FABP6: variants seen among roughly 807,000 people sequenced by gnomAD.
The protein encoded by FABP6 is fatty acid binding protein 6, also known as gastrotropin.
In FABP6, 13 loss-of-function variants were observed where a neutral mutation model predicts 14.9. The ratio of observed to expected loss-of-function variants is 0.87; its 90% CI spans 0.57 to 1.39. The LOEUF is 1.39. Among genes scored for constraint, FABP6 ranks in the 40% most tolerant of loss-of-function variants. FABP6 has a pLI of 0.00. For missense variants in FABP6, 161 were observed against 167.2 expected, an observed-to-expected ratio of 0.96 and a Z score of 0.20; for synonymous variants, 75 against 63.6, an observed-to-expected ratio of 1.18 and a Z score of -0.85.
upstream of FABP6, among the ~76,000 whole-genome samples, chr5:160,227,300 C>T (rs4921118): frequency 0.076 from 11,611 of 151,904 alleles, 604 homozygotes; most frequent in Admixed American, 0.18. Context: ...TTTGGGAGGC[C>T]GAGGTGGGCG....
At chr5:160,237,785 T>C (rs1387236174) in intron 3 of FABP6, among the ~76,000 whole-genome samples, 2 of 152,234 alleles carry the variant, frequency 1.3e-5, no homozygotes, top group Non-Finnish European at 2.9e-5. Context: ...CTACTGCTCC[T>C]GAGCTGGACA....
At chr5:160,217,313 A>G (rs770355665) in intron 3 of FABP6, among the ~76,000 whole-genome samples, 9 of 152,218 alleles carry the variant, frequency 5.9e-5, no homozygotes, top group Non-Finnish European at 1.3e-4. Context: ...GATGGAGGAA[A>G]AAAATTAGAG....
At chr5:160,213,960 C>A in intron 3 of FABP6, 3 of 699,232 alleles carry the variant, frequency 4.3e-6, no homozygotes, top group African/African-American at 1.8e-5. Context: ...GTTGCACCAT[C>A]TGAAATTGTT....
upstream of FABP6, chr5:160,228,526 C>A (rs1159936421): frequency 2.2e-6 from 1 of 456,228 alleles, no homozygotes; most frequent in Middle Eastern, 3.3e-4. Context: ...AGATAGAGTC[C>A]CTGCATGTGA....
rs185259514 is a variant in FABP6 at position 160,221,290 on chromosome 5, C to T, written c.135+7471C>T. 1.1e-4 allele frequency among the ~76,000 whole-genome samples: 17 copies of T among 152,106 alleles called. No homozygotes were observed. The East Asian group carries it at 3.1e-3, about 28-fold the overall frequency. On this transcript the variant is annotated intron_variant, in intron 3 of 6. Transcript: ENST00000393980. ...AGTCATTACAAAGAGAAGGTACAGG[C>T]TCTGGGGATTTTTGCAAGGGACAAT... is the stretch of plus-strand genomic sequence containing the variant.
chr5:160,194,214 C>T (rs1759463888), intron 1 of FABP6, among the ~76,000 whole-genome samples: 1 of 152,248 alleles, frequency 6.6e-6, no homozygotes, highest in African/African-American at 2.4e-5. Context: ...AAGCCCACGC[C>T]CACCGGCAAC....
At chr5:160,195,516 C>T (rs577604391) in intron 1 of FABP6, among the ~76,000 whole-genome samples, 44 of 152,228 alleles carry the variant, frequency 2.9e-4, no homozygotes, top group Non-Finnish European at 4.7e-4. Flanking sequence ...TGCAGTGGCA[C>T]GATCACAGCT....
chr5:160,234,766 A>C (rs1464447140), intron 2 of FABP6, 54 bp from the exon 3 acceptor site: 31 of 1,455,662 alleles, frequency 2.1e-5, no homozygotes, highest in Non-Finnish European at 2.7e-5. Context: ...CCAGCCCCAG[A>C]TAGTTGCCAA....
intron 2 of FABP6, among the ~76,000 whole-genome samples, chr5:160,200,275 T>A (rs2421726): frequency 6.6e-6 from 1 of 152,116 alleles, no homozygotes; most frequent in Non-Finnish European, 1.5e-5. Context: ...CATGGCCACC[T>A]ATTGAGCAGA....
upstream of FABP6, chr5:160,229,398 C>T: frequency 2.0e-6 from 3 of 1,478,436 alleles, no homozygotes; most frequent in Non-Finnish European, 2.7e-6. Flanking sequence ...CATCATAAAA[C>T]AGCAAGTGCT....
intron 2 of FABP6, chr5:160,199,298 C>T (rs1759579736): frequency 2.5e-6 from 2 of 787,104 alleles, no homozygotes; most frequent in Admixed American, 2.1e-5. Flanking sequence ...GCTCCAAAGC[C>T]CTTTTCCTCC....
chr5:160,236,851 G>A (rs1760527833), intron 3 of FABP6, among the ~76,000 whole-genome samples: 1 of 151,458 alleles, frequency 6.6e-6, no homozygotes, highest in South Asian at 2.1e-4. Context: ...GTGTGGTGGT[G>A]CACACCTGTA....
At chr5:160,191,663 G>A (rs1336730063) in intron 1 of FABP6, among the ~76,000 whole-genome samples, 1 of 151,640 alleles carries the variant, frequency 6.6e-6, no homozygotes, top group Non-Finnish European at 1.5e-5. Context: ...CAAGGCTGGT[G>A]TTGAGATCCT....
intron 1 of FABP6, among the ~76,000 whole-genome samples, chr5:160,192,434 C>T (rs935201487): frequency 7.2e-5 from 11 of 152,270 alleles, no homozygotes; most frequent in African/African-American, 1.9e-4. Flanking sequence ...TAGCTCCATT[C>T]CTGCAGAAAC....
chr5:160,214,654 T>C (rs1281720177), intron 3 of FABP6, among the ~76,000 whole-genome samples: 1 of 151,904 alleles, frequency 6.6e-6, no homozygotes, highest in Non-Finnish European at 1.5e-5. Context: ...TCTACAACAG[T>C]CAGAAATTTC....
intron 2 of FABP6, among the ~76,000 whole-genome samples, chr5:160,202,835 C>T (rs979230512): frequency 2.6e-5 from 4 of 151,430 alleles, no homozygotes; most frequent in East Asian, 1.9e-4. Flanking sequence ...CTTTTCTTAG[C>T]GATTCATGAA....
At chr5:160,192,554 C>T (rs1759418050) in intron 1 of FABP6, among the ~76,000 whole-genome samples, 2 of 152,238 alleles carry the variant, frequency 1.3e-5, no homozygotes, top group African/African-American at 4.8e-5. Flanking sequence ...TGGATCCCCT[C>T]TCTATGGGAA....
At chr5:160,206,153 G>A (rs1275764770) in intron 2 of FABP6, among the ~76,000 whole-genome samples, 2 of 152,116 alleles carry the variant, frequency 1.3e-5, no homozygotes, top group African/African-American at 2.4e-5. Context: ...ATAAAAGCAG[G>A]CTGGGCGTGG....
chr5:160,204,105 C>A (rs368050177), intron 2 of FABP6, among the ~76,000 whole-genome samples: 13 of 150,596 alleles, frequency 8.6e-5, no homozygotes, highest in East Asian at 3.9e-4. Context: ...TGCCACCACA[C>A]CCCAGCCTAG....
Sources: allele counts gnomAD v4.1 joint callset (sites outside exome capture counted in the v4.1 genomes callset), GRCh38; gene constraint gnomAD v4.1.1; transcripts MANE v1.5; gene names NCBI Gene and HGNC (gene_info 2026-07-23, HGNC 2026-07-21).